The following KIAA1958 variants were observed in gnomAD, a reference collection of about 807,000 sequenced individuals.
KIAA1958 encodes KIAA1958.
A neutral mutation model predicts 47.2 loss-of-function variants in KIAA1958; 14 were observed. That is an observed-to-expected ratio of 0.30 (90% CI 0.20 to 0.46). KIAA1958 has a LOEUF of 0.46. KIAA1958 is among the 20% of genes least tolerant of loss of function. The probability of loss-of-function intolerance (pLI) is 1.00; values close to 1 mark genes in which losing one functional copy is unlikely to be tolerated. For synonymous variants in KIAA1958, 354 were observed against 353.3 expected (o/e 1.00, Z -0.02); for missense variants, 803 against 909.2 (o/e 0.88, Z 1.50).
chr9:112,636,161 A>G (rs1403113328), intron 2 of KIAA1958, among the ~76,000 whole-genome samples: 2 of 148,646 alleles, frequency 1.3e-5, no homozygotes, highest in African/African-American at 2.4e-5. Flanking sequence ...ATATTAAATA[A>G]TATACTTATT....
intron 1 of KIAA1958, among the ~76,000 whole-genome samples, chr9:112,558,895 C>G (rs775879640): frequency 2.0e-5 from 3 of 152,096 alleles, no homozygotes; most frequent in Non-Finnish European, 4.4e-5. Context: ...TTATATAACA[C>G]TTTGGGTACA....
chr9:112,550,045 G>A (rs1469487216), intron 1 of KIAA1958, among the ~76,000 whole-genome samples: 1 of 152,198 alleles, frequency 6.6e-6, no homozygotes, highest in African/African-American at 2.4e-5. Flanking sequence ...ACTGGACTGA[G>A]TTTAATGTGG....
chr9:112,491,549 TTTTTTTTTG>T (rs1239582838), intron 1 of KIAA1958, among the ~76,000 whole-genome samples: 3 of 151,806 alleles, frequency 2.0e-5, no homozygotes, highest in Admixed American at 6.6e-5. Context: ...TTAGCTGGTT[TTTTTTTTTG>T]TTTTTTTTGT....
intron 2 of KIAA1958, among the ~76,000 whole-genome samples, chr9:112,609,394 A>C (rs1836286594): frequency 6.6e-6 from 1 of 152,198 alleles, no homozygotes; most frequent in Non-Finnish European, 1.5e-5. Flanking sequence ...GGACATGATA[A>C]ATTTTTGATA....
intron 2 of KIAA1958, 103 bp from the exon 3 acceptor site, chr9:112,645,547 G>T: frequency 1.4e-6 from 1 of 712,960 alleles, no homozygotes. Flanking sequence ...ATGTTTTAAA[G>T]TGTTGTCTTT....
At chr9:112,641,376 G>T (rs1299026443) in intron 2 of KIAA1958, among the ~76,000 whole-genome samples, 1 of 99,928 alleles carries the variant, frequency 1.0e-5, no homozygotes, top group Admixed American at 1.0e-4. Context: ...TGAGAAATCT[G>T]ATTCTTCTCG....
At chr9:112,580,233 C>T (rs1338917410) in intron 2 of KIAA1958, among the ~76,000 whole-genome samples, 1 of 152,084 alleles carries the variant, frequency 6.6e-6, no homozygotes, top group African/African-American at 2.4e-5. Context: ...GGGCAGTAAA[C>T]CAGAGATTCC....
intron 2 of KIAA1958, among the ~76,000 whole-genome samples, chr9:112,637,536 C>T (rs951039616): frequency 6.6e-6 from 1 of 152,010 alleles, no homozygotes; most frequent in Non-Finnish European, 1.5e-5. Flanking sequence ...CGTGACCACG[C>T]CCGGCAGATT....
At chr9:112,581,936 T>C (rs1835743401) in intron 2 of KIAA1958, 2 of 238,558 alleles carry the variant, frequency 8.4e-6, no homozygotes, top group Non-Finnish European at 8.7e-6. Flanking sequence ...GGGGGATGCA[T>C]TCAGCCCACC....
intron 2 of KIAA1958, among the ~76,000 whole-genome samples, chr9:112,633,625 A>G (rs191051950): frequency 6.6e-6 from 1 of 152,132 alleles, no homozygotes; most frequent in African/African-American, 2.4e-5. Flanking sequence ...AGCTTCCCTC[A>G]TGTGCCCTCC....
chr9:112,558,587 C>G (rs948211068), intron 1 of KIAA1958, among the ~76,000 whole-genome samples: 3 of 152,184 alleles, frequency 2.0e-5, no homozygotes, highest in African/African-American at 7.2e-5. Flanking sequence ...TTCAAGTCAT[C>G]TTGATGTCTG....
intron 1 of KIAA1958, among the ~76,000 whole-genome samples, chr9:112,500,551 A>G (rs1339537484): frequency 6.6e-6 from 1 of 151,858 alleles, no homozygotes; most frequent in Non-Finnish European, 1.5e-5. Flanking sequence ...TGGCCTCCCA[A>G]AGTGCTGGGA....
chr9:112,560,468 G>A (rs2131158512), intron 1 of KIAA1958, among the ~76,000 whole-genome samples: 1 of 152,078 alleles, frequency 6.6e-6, no homozygotes, highest in Non-Finnish European at 1.5e-5. Flanking sequence ...GAGATGACAG[G>A]CATGAGCCAC....
chr9:112,635,479 TCA>T (rs1836790448), intron 2 of KIAA1958, among the ~76,000 whole-genome samples: 1 of 152,168 alleles, frequency 6.6e-6, no homozygotes, highest in Non-Finnish European at 1.5e-5. Flanking sequence ...CTCAAACTCC[TCA>T]GCTCAAGTTA....
intron 2 of KIAA1958, among the ~76,000 whole-genome samples, chr9:112,581,587 A>AT (rs1835735836): frequency 6.6e-6 from 1 of 152,180 alleles, no homozygotes; most frequent in South Asian, 2.1e-4. Context: ...GCGGAGATTA[A>AT]TAGGAAAGTC....
At chr9:112,633,039 A>G (rs1439973848) in intron 2 of KIAA1958, among the ~76,000 whole-genome samples, 3 of 152,056 alleles carry the variant, frequency 2.0e-5, no homozygotes, top group Admixed American at 6.5e-5. Flanking sequence ...TGAAGAATCC[A>G]TCTTTCCCCA....
chr9:112,623,495 GTTATAAA>G (rs919411534), intron 2 of KIAA1958, among the ~76,000 whole-genome samples: 51 of 152,106 alleles, frequency 3.4e-4, no homozygotes, highest in Admixed American at 1.9e-3. Flanking sequence ...ACCCTCTGAA[GTTATAAA>G]TTATAAATGA....
At chr9:112,636,008 A>C (rs1836799233) in intron 2 of KIAA1958, among the ~76,000 whole-genome samples, 1 of 151,384 alleles carries the variant, frequency 6.6e-6, no homozygotes, top group African/African-American at 2.4e-5. Context: ...CAATAACTGC[A>C]TCCCACAACT....
chr9:112,488,899 C>T (rs1833915183), intron 1 of KIAA1958, among the ~76,000 whole-genome samples: 1 of 151,986 alleles, frequency 6.6e-6, no homozygotes, highest in African/African-American at 2.4e-5. Flanking sequence ...TATTGCATGC[C>T]TAATTTTGTA....
Sources: gnomAD v4.1 joint callset for allele counts (sites outside exome capture counted in the v4.1 genomes callset) on GRCh38, gnomAD v4.1.1 for gene constraint, MANE v1.5 for transcripts, NCBI Gene and HGNC (gene_info 2026-07-23, HGNC 2026-07-21) for gene names.